Variants in HSPA12A observed in about 807,000 individuals in gnomAD.
The protein encoded by HSPA12A is heat shock 70 kDa protein 12A.
HSPA12A carries 28 observed loss-of-function variants against 69.2 expected under a neutral mutation model. The ratio of observed to expected loss-of-function variants is 0.40; its 90% CI spans 0.30 to 0.55. HSPA12A has a LOEUF of 0.55. Ranked by LOEUF, HSPA12A falls within the 20% of genes least tolerant of loss-of-function variation. The pLI, the probability that HSPA12A is intolerant of heterozygous loss-of-function variation, is 0.38. For synonymous variants in HSPA12A, 345 were observed against 370.5 expected (o/e 0.93, Z 0.79); for missense variants, 686 against 900.7 (o/e 0.76, Z 3.05).
rs1348674859 is a variant in HSPA12A, at chr10:116,686,762, C to T, written c.664-2800G>A. Among the ~76,000 whole-genome samples the T allele has an allele frequency of 2.6e-5, 4 of 151,732 alleles. No individual in the cohort carries two copies. The highest frequency in any genetic ancestry group is 4.4e-5 in the Non-Finnish European group (3 of 67,930). ...ACTGTAAGTCCCACTCCTCATCCCT[C>T]TTCCCACACCATAAGTTCCACCCCT... On this transcript the variant is annotated intron_variant, in intron 6 of 11. Transcript: ENST00000369209. This position sits in a 1 kb window ranked among gnomAD's most constrained non-coding sequence, Gnocchi z 4.1.
chr10:116,768,443 C>G (rs565615595), intron 2 of HSPA12A, among the ~76,000 whole-genome samples: 1 of 152,272 alleles, frequency 6.6e-6, no homozygotes, highest in Admixed American at 6.5e-5. Context: ...TTGCACAACA[C>G]AGTGAATATC....
intron 1 of HSPA12A, among the ~76,000 whole-genome samples, chr10:116,717,737 A>C (rs997695590): frequency 2.0e-5 from 3 of 152,220 alleles, no homozygotes; most frequent in Non-Finnish European, 4.4e-5. Flanking sequence ...TTACACAATG[A>C]CACAAGCAGA....
intron 2 of HSPA12A, among the ~76,000 whole-genome samples, chr10:116,776,012 C>A (rs1589699148): frequency 6.6e-6 from 1 of 152,328 alleles, no homozygotes; most frequent in South Asian, 2.1e-4. Flanking sequence ...GTCTACCTGC[C>A]ATCCTCTGCG....
intron 7 of HSPA12A, among the ~76,000 whole-genome samples, chr10:116,682,950 G>T (rs1849463577): frequency 6.8e-6 from 1 of 147,900 alleles, no homozygotes; most frequent in Non-Finnish European, 1.5e-5. Flanking sequence ...TGATCCGCCT[G>T]CCTCGGCCTC....
At chr10:116,681,583 T>A (rs1849402470) in intron 8 of HSPA12A, among the ~76,000 whole-genome samples, 1 of 152,206 alleles carries the variant, frequency 6.6e-6, no homozygotes, top group Admixed American at 6.5e-5. Flanking sequence ...CACCAAAGAC[T>A]TACTCTGGAA....
chr10:116,759,810 A>C (rs1292591957), intron 2 of HSPA12A, among the ~76,000 whole-genome samples: 3 of 152,140 alleles, frequency 2.0e-5, no homozygotes, highest in Non-Finnish European at 2.9e-5. Flanking sequence ...AGGTAATTGA[A>C]TCATGGGGCT....
upstream of HSPA12A, among the ~76,000 whole-genome samples, chr10:116,746,053 G>C (rs1851641957): frequency 6.6e-6 from 1 of 151,942 alleles, no homozygotes; most frequent in Non-Finnish European, 1.5e-5. Flanking sequence ...CCAGACCCTA[G>C]GATGGTGCCT....
At chr10:116,839,936 C>T (rs1258092749) in intron 1 of HSPA12A, among the ~76,000 whole-genome samples, 2 of 150,964 alleles carry the variant, frequency 1.3e-5, no homozygotes, top group Non-Finnish European at 2.9e-5. Flanking sequence ...AGTATTGGGG[C>T]TTGAAAGAAT....
chr10:116,838,338 G>A (rs760214565), intron 1 of HSPA12A, among the ~76,000 whole-genome samples: 7 of 152,208 alleles, frequency 4.6e-5, no homozygotes, highest in Non-Finnish European at 1.0e-4. Context: ...GCCTGCTGCT[G>A]GTCCTCAGGC....
chr10:116,712,039 C>T (rs991077034), intron 1 of HSPA12A, among the ~76,000 whole-genome samples: 3 of 151,936 alleles, frequency 2.0e-5, no homozygotes, highest in Admixed American at 6.6e-5. Flanking sequence ...TATGGTTAAG[C>T]GGAAGGGGAA....
intron 2 of HSPA12A, among the ~76,000 whole-genome samples, chr10:116,792,776 G>GT (rs1174766129): frequency 5.3e-5 from 8 of 151,044 alleles, no homozygotes; most frequent in African/African-American, 2.0e-4. Context: ...GGGTGACAGA[G>GT]TAAGACCCTG....
intron 5 of HSPA12A, among the ~76,000 whole-genome samples, chr10:116,695,775 C>T (rs550085326): frequency 9.8e-4 from 148 of 151,018 alleles, no homozygotes; most frequent in African/African-American, 3.4e-3. Flanking sequence ...AAGATCACGC[C>T]ACTGCACTCC....
chr10:116,773,077 C>T (rs782346529), intron 2 of HSPA12A, among the ~76,000 whole-genome samples: 1 of 152,130 alleles, frequency 6.6e-6, no homozygotes, highest in East Asian at 1.9e-4. Flanking sequence ...TCTGGGTGAG[C>T]CAGGGGACTT....
In HSPA12A at chr10:116,843,562, A is replaced by C. The variant is rs557506751; in HGVS notation, c.3+6004T>G. 4.6e-5 allele frequency among the ~76,000 whole-genome samples: 7 copies of C among 152,300 alleles called. No individual in the cohort carries two copies. In the South Asian group the frequency reaches 1.5e-3, roughly 32 times the overall value. On this transcript the variant is annotated intron_variant, in intron 1 of 12. Transcript: ENST00000635765. Reference sequence around the variant, plus strand: ...TCAGAAAGGTCAAGTAATTTGTAAAAGGTCACACAAGTGGGAACTGGAAGA... The same window carrying C: ...TCAGAAAGGTCAAGTAATTTGTAAACGGTCACACAAGTGGGAACTGGAAGA...
chr10:116,741,782 C>A (rs1323345535), intron 1 of HSPA12A, among the ~76,000 whole-genome samples: 1 of 152,210 alleles, frequency 6.6e-6, no homozygotes, highest in African/African-American at 2.4e-5. Context: ...TCCCCCTGCC[C>A]CCCGCAAGGA....
intron 2 of HSPA12A, among the ~76,000 whole-genome samples, chr10:116,807,228 G>C (rs1048735373): frequency 6.6e-6 from 1 of 151,478 alleles, no homozygotes; most frequent in Non-Finnish European, 1.5e-5. Context: ...GGAGGGAGGA[G>C]AGAGGCCAGA....
At chr10:116,715,658 T>G (rs879945991) in intron 1 of HSPA12A, among the ~76,000 whole-genome samples, 4 of 152,218 alleles carry the variant, frequency 2.6e-5, no homozygotes, top group Non-Finnish European at 5.9e-5. Context: ...TGTTTAAAAC[T>G]TTCCATAATA....
chr10:116,712,452 G>A, intron 1 of HSPA12A, among the ~76,000 whole-genome samples: 1 of 152,184 alleles, frequency 6.6e-6, no homozygotes, highest in East Asian at 1.9e-4. Context: ...AACTAGTTTA[G>A]TTTGTTAGGT....
intron 1 of HSPA12A, among the ~76,000 whole-genome samples, chr10:116,845,115 G>A (rs1186524576): frequency 2.0e-5 from 3 of 152,078 alleles, no homozygotes; most frequent in Non-Finnish European, 1.5e-5. Context: ...TGTGAAAGGG[G>A]CCATCACTCC....
Sources: allele counts gnomAD v4.1 joint callset (sites outside exome capture counted in the v4.1 genomes callset), GRCh38; gene constraint gnomAD v4.1.1; non-coding constraint Gnocchi (gnomAD v3.1); transcripts MANE v1.5; gene names NCBI Gene and HGNC (gene_info 2026-07-23, HGNC 2026-07-21).